CNTNAP3B: variants seen among roughly 807,000 people sequenced by gnomAD.
The protein encoded by CNTNAP3B is contactin associated protein family member 3B.
CNTNAP3B carries 25 observed loss-of-function variants against 108.9 expected under a neutral mutation model. The observed-to-expected ratio is 0.23, with a 90% confidence interval of 0.17 to 0.32. CNTNAP3B has a LOEUF of 0.32. CNTNAP3B is among the 10% of genes least tolerant of loss of function. The pLI is 1.00. For missense variants in CNTNAP3B, 252 were observed against 1,210.4 expected (o/e 0.21, Z 11.75); for synonymous variants, 103 against 473.4 (o/e 0.22, Z 10.16).
intron 14 of CNTNAP3B, among the ~76,000 whole-genome samples, chr9:41,935,392 A>G (rs1824125811): frequency 6.6e-6 from 1 of 152,290 alleles, no homozygotes. Context: ...ATTCCCAAAT[A>G]CTATTTTTAT....
chr9:42,036,757 G>A (rs1343261410), intron 3 of CNTNAP3B, among the ~76,000 whole-genome samples: 2 of 138,120 alleles, frequency 1.4e-5, no homozygotes, highest in Non-Finnish European at 3.1e-5. Context: ...CCACAAGTGG[G>A]TCCCTGACCC....
rs1828286881 is a variant in CNTNAP3B, at chr9:42,115,196, A to C, written c.86-10457T>G. On this transcript the variant is annotated intron_variant, in intron 1 of 23. Coordinates refer to ENST00000377561, the MANE Select transcript of CNTNAP3B (RefSeq NM_001201380.3). ...AGAGATTTTTTGTATACTCATAAGA[A>C]AAAACAGAAGAAGCTGCACTCTTTT... Among the ~76,000 whole-genome samples, 2 of 139,510 alleles carry C rather than the reference A, an allele frequency of 1.4e-5. 1 individual carries two copies. Among genetic ancestry groups the C allele is most frequent in the East Asian group, 4.3e-4 (2 of 4,612 alleles). 91.5% of individuals were successfully genotyped at this position (139,510 alleles called of 152,430 possible). A position where few individuals can be genotyped will look rare whatever the true frequency, so the allele number is the denominator to read the frequency against.
At chr9:42,069,859 A>AT (rs1338651158) in intron 3 of CNTNAP3B, among the ~76,000 whole-genome samples, 2 of 94,558 alleles carry the variant, frequency 2.1e-5, no homozygotes, top group African/African-American at 9.2e-5. Flanking sequence ...ATATATATAT[A>AT]AAAAATTAGA....
At position 41,973,619 on chromosome 9, in the gene CNTNAP3B, G is replaced by A. The variant is rs1389465081; in HGVS notation, c.1478-3374C>T. Among the ~76,000 whole-genome samples, 41 of 131,452 alleles carry A rather than the reference G, an allele frequency of 3.1e-4. 2 individuals are homozygous for A. Among genetic ancestry groups the A allele is most frequent in the South Asian group, 2.6e-3 (10 of 3,908 alleles). The allele number at this position is 131,452 out of a possible 152,430, so 86.2% of individuals were successfully genotyped here. On this transcript the variant is annotated intron_variant, in intron 9 of 23. Coordinates refer to ENST00000377561, the MANE Select transcript of CNTNAP3B (RefSeq NM_001201380.3). The stretch of plus-strand genomic sequence containing the variant: ...ATGGAAGGAGGCATGGCATTGAATA[G>A]CAGAAAGATTCCATAAAGGTAAGTT...
chr9:42,015,576 G>A lies in CNTNAP3B; in HGVS notation c.391-2051C>T, dbSNP rs1449277118. ...GTAAAACTGATCTTGAAGGGCCAGAGTACTAATTGAGATAACACCTGGAAA... is the reference window on the plus strand; with the variant it reads ...GTAAAACTGATCTTGAAGGGCCAGAATACTAATTGAGATAACACCTGGAAA... On this transcript the variant is annotated intron_variant, in intron 3 of 23. Transcript: ENST00000377561. Among the ~76,000 whole-genome samples the A allele has an allele frequency of 2.5e-5, 2 of 80,726 alleles. 1 individual carries two copies. The highest frequency in any genetic ancestry group is 5.0e-5 in the Non-Finnish European group (2 of 39,992). The allele number at this position is 80,726 out of a possible 152,430, so 53.0% of individuals were successfully genotyped here.
At chr9:41,961,119 C>G (rs1229941225) in intron 11 of CNTNAP3B, among the ~76,000 whole-genome samples, 1 of 152,310 alleles carries the variant, frequency 6.6e-6, no homozygotes, top group African/African-American at 2.4e-5. Context: ...AAAATACATT[C>G]AAATGTTGGA....
In CNTNAP3B at chr9:41,995,535, A is replaced by G. The variant is rs977708938; in HGVS notation, c.1071+670T>C. Among the ~76,000 whole-genome samples, 24 of 135,632 alleles carry G rather than the reference A, an allele frequency of 1.8e-4. 3 individuals are homozygous for G. Among genetic ancestry groups the G allele is most frequent in the African/African-American group, 3.9e-4 (13 of 33,610 alleles). 89.0% of individuals were successfully genotyped at this position (135,632 alleles called of 152,430 possible). On this transcript the variant is annotated intron_variant, in intron 7 of 23. Transcript: ENST00000377561. ...CAGATCACGAGGTTGGGAAATCGAGACCATCCTGGCTAACATGGTGAAACC... is the reference window on the plus strand; with the variant it reads ...CAGATCACGAGGTTGGGAAATCGAGGCCATCCTGGCTAACATGGTGAAACC...
At chr9:42,089,529 A>C (rs983449089) in intron 2 of CNTNAP3B, among the ~76,000 whole-genome samples, 2 of 145,606 alleles carry the variant, frequency 1.4e-5, no homozygotes, top group Non-Finnish European at 3.0e-5. Flanking sequence ...ATGATTTTAA[A>C]CTATGGTGCC....
rs757392246 is a variant in CNTNAP3B, at chr9:41,996,304, G to T, written c.972C>A (p.Phe324Leu). 3 of 1,541,706 alleles carry T rather than the reference G, an allele frequency of 1.9e-6. No homozygotes were observed. The South Asian group carries it at 3.5e-5, about 18-fold the overall frequency. The change falls in exon 7 of 24, where the codon TTC becomes TTA. Residue 324 changes from phenylalanine (F) to leucine (L), a missense_variant. Coordinates refer to ENST00000377561, the MANE Select transcript of CNTNAP3B (RefSeq NM_001201380.3). The part of the protein sequence containing the change: ...GILSPGRSRA[F>L]TRKSFHGCLE... ...AACACCCATGAAAGCTTTTACGTGT[G>T]AATGCCCGTGATCTTCCGGGTGACA...
chr9:42,123,874 A>T (rs1343126902), intron 1 of CNTNAP3B, among the ~76,000 whole-genome samples: 2 of 125,658 alleles, frequency 1.6e-5, no homozygotes, highest in Admixed American at 8.2e-5. Context: ...TCAACATGTT[A>T]TTTTAACCTA....
chr9:42,077,012 T>A lies in CNTNAP3B; in HGVS notation c.247A>T (p.Ile83Phe). ...ACCTCCATTCTCTCTCCAAGGTCAA[T>A]TTGCAGCCATTGGTATTTATTTGAC... Reference protein sequence around the residue: ...LVSNKYQWLQIDLGERMEVTA... With the variant: ...LVSNKYQWLQFDLGERMEVTA... The change falls in exon 3 of 24, where the codon ATT (isoleucine) becomes TTT (phenylalanine). Residue 83 changes from isoleucine (I) to phenylalanine (F), a missense_variant. Coordinates refer to ENST00000377561, the MANE Select transcript of CNTNAP3B (RefSeq NM_001201380.3). 1 of 1,529,478 alleles carries A rather than the reference T, an allele frequency of 6.5e-7. No individual in the cohort carries two copies. The highest frequency in any genetic ancestry group is 1.2e-5 in the South Asian group (1 of 85,080). The allele number at this position is 1,529,478 out of a possible 1,614,324, so 94.7% of individuals were successfully genotyped here. A position where few individuals can be genotyped will look rare whatever the true frequency, so the allele number is the denominator to read the frequency against.
At position 41,953,305 on chromosome 9, in the gene CNTNAP3B, G is replaced by A. The variant is rs752243572; in HGVS notation, c.1958C>T (p.Ser653Leu). ...CGCTGCGTACGCGAAGGACACAGCC[G>A]AGAGCGGGTGCCCGCTGGGGGCACC... ...LRGAPSGHPL[S>L]AVSFAYAAGA... The change falls in exon 13 of 24, where the codon TCG (serine) becomes TTG (leucine). Residue 653 changes from serine to leucine, a missense_variant. Transcript: ENST00000377561. 9.8e-6 allele frequency: 15 copies of A among 1,536,662 alleles called. No homozygotes were observed. The highest frequency in any genetic ancestry group is 4.1e-5 in the African/African-American group (3 of 72,456).
intron 18 of CNTNAP3B, among the ~76,000 whole-genome samples, chr9:41,916,980 T>G (rs1261724108): frequency 6.6e-6 from 1 of 151,388 alleles, no homozygotes; most frequent in Non-Finnish European, 1.5e-5. Context: ...CTTCTTGACT[T>G]TGGCTTTCAA....
At chr9:42,032,768 C>T (rs1305196775) in intron 3 of CNTNAP3B, among the ~76,000 whole-genome samples, 1 of 137,384 alleles carries the variant, frequency 7.3e-6, no homozygotes, top group Non-Finnish European at 1.6e-5. Flanking sequence ...CTTATTCTCG[C>T]ACAGCTCTGG....
chr9:41,939,925 G>A (rs1479253200), intron 13 of CNTNAP3B, among the ~76,000 whole-genome samples: 1 of 151,844 alleles, frequency 6.6e-6, no homozygotes, highest in Non-Finnish European at 1.5e-5. Context: ...ATTCTGAAAA[G>A]TAGAAAGAGG....
chr9:41,940,572 C>G (rs3011161), intron 13 of CNTNAP3B, among the ~76,000 whole-genome samples: 29 of 151,844 alleles, frequency 1.9e-4, no homozygotes, highest in Middle Eastern at 3.4e-3. Flanking sequence ...GTAATCCCAG[C>G]ACTTTCGGAG....
chr9:42,056,686 T>G lies in CNTNAP3B; in HGVS notation c.390+20183A>C. 1.5e-5 allele frequency among the ~76,000 whole-genome samples: 2 copies of G among 136,294 alleles called. 1 individual carries two copies. Among genetic ancestry groups the G allele is most frequent in the East Asian group, 4.4e-4 (2 of 4,588 alleles). 89.4% of individuals were successfully genotyped at this position (136,294 alleles called of 152,430 possible). On this transcript the variant is annotated intron_variant, in intron 3 of 23. Transcript: ENST00000377561. ...ATTTATATACTATTTTTTCTTCATG[T>G]GGAATGCTTATCAATCCTTCTCAAT...
At position 41,991,793 on chromosome 9, in the gene CNTNAP3B, G is replaced by A. The variant is rs1192829359; in HGVS notation, c.1150C>T (p.Pro384Ser). The A allele has an allele frequency of 6.4e-7, 1 of 1,560,530 alleles. No individual in the cohort carries two copies. The highest frequency in any genetic ancestry group is 1.8e-5 in the Admixed American group (1 of 56,476). The part of the protein sequence containing the change: ...FLSSRSYLAL[P>S]GNSGEDKVSV... ...ACTTTGTCCTCCCCAGAGTTGCCTG[G>A]CAGAGCCAGATAACTCCTGGAGCTC... Residue 384 changes from proline (P) to serine (S), a missense_variant, in exon 8 of 24, where the codon CCA becomes TCA. Physicochemically the swap from Pro to Ser is moderately conservative, Grantham distance 74. Coordinates refer to ENST00000377561, the MANE Select transcript of CNTNAP3B (RefSeq NM_001201380.3).
rs762682953 is a variant in CNTNAP3B, at chr9:41,953,166, C to T, written c.2080+17G>A. 9.9e-6 allele frequency: 15 copies of T among 1,515,318 alleles called. No homozygotes were observed. The Admixed American group carries it at 2.8e-4, about 28-fold the overall frequency. 93.9% of individuals were successfully genotyped at this position (1,515,318 alleles called of 1,614,324 possible). The stretch of plus-strand genomic sequence containing the variant: ...CCGGCCTCGTGAGCCCCTGTAGCCT[C>T]CAGCAGTGGCGCTTACCTCGTGAGT... On this transcript the variant is annotated intron_variant, in intron 13 of 23. Transcript: ENST00000377561.
Sources: gnomAD v4.1 joint callset for allele counts (sites outside exome capture counted in the v4.1 genomes callset) on GRCh38, gnomAD v4.1.1 for gene constraint, MANE v1.5 for transcripts, NCBI Gene and HGNC (gene_info 2026-07-23, HGNC 2026-07-21) for gene names.